The following WWP1 variants were observed in gnomAD, a reference collection of about 807,000 sequenced individuals.
WWP1 encodes WW domain containing E3 ubiquitin protein ligase 1.
WWP1 carries 49 observed loss-of-function variants against 130.6 expected under a neutral mutation model. That is an observed-to-expected ratio of 0.38 (90% CI 0.30 to 0.48). The LOEUF (loss-of-function observed/expected upper bound fraction) is 0.48, where lower values mean the gene tolerates loss of function less well. Ranked by LOEUF, WWP1 falls within the 20% of genes least tolerant of loss-of-function variation. The probability of loss-of-function intolerance (pLI) is 0.99; values close to 1 mark genes in which losing one functional copy is unlikely to be tolerated. For synonymous variants in WWP1, 332 were observed against 367.8 expected (o/e 0.90, Z 1.11); for missense variants, 809 against 1,100.6 (o/e 0.74, Z 3.75).
At chr8:86,350,312 G>T (rs1045787628) in intron 1 of WWP1, among the ~76,000 whole-genome samples, 1 of 152,080 alleles carries the variant, frequency 6.6e-6, no homozygotes, top group African/African-American at 2.4e-5. Flanking sequence ...GTAATGCCAT[G>T]GTTAAAGGTG....
chr8:86,403,157 A>G (rs1281965187), intron 8 of WWP1, among the ~76,000 whole-genome samples: 3 of 152,208 alleles, frequency 2.0e-5, no homozygotes, highest in Admixed American at 2.0e-4. Context: ...CATGTTGGGA[A>G]TTAAGTTGAA....
intron 5 of WWP1, among the ~76,000 whole-genome samples, chr8:86,382,125 A>G (rs978817056): frequency 2.6e-5 from 4 of 152,160 alleles, no homozygotes; most frequent in Non-Finnish European, 5.9e-5. Flanking sequence ...TAATTTGGTC[A>G]CTGTCCTTTT....
chr8:86,448,404 A>G lies in WWP1; in HGVS notation c.2164A>G (p.Met722Val), dbSNP rs764517290. Reference sequence around the variant, plus strand: ...CAACATTGAAGAATGTGGCTTAGAAATGTACTTTTCTGTTGACATGGAGAT... The same window carrying G: ...CAACATTGAAGAATGTGGCTTAGAAGTGTACTTTTCTGTTGACATGGAGAT... ...DNNIEECGLE[M>V]YFSVDMEILG... Residue 722 changes from methionine (M) to valine (V), a missense_variant, in exon 20 of 25, where the codon ATG (methionine) becomes GTG (valine). Coordinates refer to ENST00000517970, the MANE Select transcript of WWP1 (RefSeq NM_007013.4). 1 of 1,613,648 alleles carries G rather than the reference A, an allele frequency of 6.2e-7. No homozygotes were observed. Among genetic ancestry groups the G allele is most frequent in the Non-Finnish European group, 8.5e-7 (1 of 1,179,870 alleles).
intron 2 of WWP1, 40 bp downstream of exon 2, chr8:86,369,071 TAATA>T (rs1397365778): frequency 2.0e-5 from 3 of 152,232 alleles, no homozygotes; most frequent in East Asian, 3.9e-4. Flanking sequence ...AGACTATAAT[TAATA>T]GTCAGACTTC....
chr8:86,346,763 C>A (rs1469730943), intron 1 of WWP1, among the ~76,000 whole-genome samples: 2 of 151,974 alleles, frequency 1.3e-5, no homozygotes, highest in Non-Finnish European at 2.9e-5. Context: ...ATTGGAAAAT[C>A]CAATAAATTG....
chr8:86,428,018 A>G (rs544070884), intron 11 of WWP1, among the ~76,000 whole-genome samples: 1 of 152,128 alleles, frequency 6.6e-6, no homozygotes, highest in East Asian at 1.9e-4. Flanking sequence ...ATAATATTTT[A>G]AAATATTCTA....
chr8:86,440,676 CTT>C, intron 17 of WWP1: 1 of 453,946 alleles, frequency 2.2e-6, no homozygotes, highest in South Asian at 1.6e-5. Flanking sequence ...TCTATTATGT[CTT>C]TGAATATTTT....
intron 21 of WWP1, among the ~76,000 whole-genome samples, chr8:86,454,658 C>T (rs982685250): frequency 6.6e-6 from 1 of 152,038 alleles, no homozygotes; most frequent in African/African-American, 2.4e-5. Flanking sequence ...TAGAGGTGCA[C>T]TCAGAGAGGG....
intron 3 of WWP1, among the ~76,000 whole-genome samples, chr8:86,376,371 C>A (rs1824652812): frequency 6.6e-6 from 1 of 152,038 alleles, no homozygotes; most frequent in Admixed American, 6.6e-5. Flanking sequence ...GAGTTTGTGA[C>A]TGGCCTGGCC....
intron 12 of WWP1, 138 bp from the exon 13 acceptor site, chr8:86,431,263 ATATTC>A (rs1316552154): frequency 1.2e-5 from 2 of 172,580 alleles, no homozygotes; most frequent in Non-Finnish European, 1.2e-5. Context: ...TCTATATAAT[ATATTC>A]TATAATATAT....
chr8:86,364,829 A>AGAGAG (rs1563468141), intron 1 of WWP1, among the ~76,000 whole-genome samples: 9 of 121,836 alleles, frequency 7.4e-5, no homozygotes, highest in African/African-American at 2.7e-4. Flanking sequence ...GAAAGAAAGA[A>AGAGAG]AGAAAGAGAG....
rs534843218 is a variant in WWP1, at chr8:86,443,100, T to TCA, written c.1998+325_1998+326dup. Among the ~76,000 whole-genome samples, 103 of 152,336 alleles carry TCA rather than the reference T, an allele frequency of 6.8e-4. 1 individual carries two copies. The highest frequency in any genetic ancestry group is 8.8e-5 in the Non-Finnish European group (6 of 68,034). ...AAATTTTAATTCTTTTGAGAAAGGA[T>TCA]CACAGTCTGTTGCCCAGGCTGGAGT... On this transcript the variant is annotated intron_variant, in intron 18 of 24. Transcript: ENST00000517970.
intron 5 of WWP1, among the ~76,000 whole-genome samples, chr8:86,395,927 G>A (rs951235204): frequency 2.6e-5 from 4 of 152,070 alleles, no homozygotes; most frequent in Non-Finnish European, 4.4e-5. Context: ...GATTTTAAAA[G>A]GCTCTTCTTT....
At chr8:86,409,452 T>G (rs1007970434) in intron 8 of WWP1, among the ~76,000 whole-genome samples, 1 of 150,628 alleles carries the variant, frequency 6.6e-6, no homozygotes, top group African/African-American at 2.4e-5. Flanking sequence ...GTCAGGGTGG[T>G]CTCAAACTCC....
chr8:86,377,453 A>G (rs970196905), intron 3 of WWP1, among the ~76,000 whole-genome samples: 5 of 152,012 alleles, frequency 3.3e-5, no homozygotes, highest in Non-Finnish European at 4.4e-5. Context: ...CTAATATTGC[A>G]GTCTGGCTGT....
At chr8:86,382,472 G>A (rs1825037532) in intron 5 of WWP1, among the ~76,000 whole-genome samples, 1 of 152,090 alleles carries the variant, frequency 6.6e-6, no homozygotes, top group Admixed American at 6.6e-5. Flanking sequence ...GCCAGGGTGG[G>A]CAGATCACTT....
At chr8:86,416,188 T>C (rs1356492625) in intron 9 of WWP1, among the ~76,000 whole-genome samples, 2 of 152,100 alleles carry the variant, frequency 1.3e-5, no homozygotes, top group Non-Finnish European at 2.9e-5. Context: ...TTGCTGTGAG[T>C]TGGGAGTGAA....
At chr8:86,393,426 T>C (rs1434778680) in intron 5 of WWP1, among the ~76,000 whole-genome samples, 2 of 152,120 alleles carry the variant, frequency 1.3e-5, no homozygotes, top group East Asian at 3.9e-4. Context: ...TTTTGTGTTC[T>C]TAGTAGAGGC....
At position 86,436,770 on chromosome 8, in the gene WWP1, C is replaced by T. The variant is rs538686445; in HGVS notation, c.1749+1066C>T. Among the ~76,000 whole-genome samples, 46 of 152,208 alleles carry T rather than the reference C, an allele frequency of 3.0e-4. 1 individual carries two copies. The highest frequency in any genetic ancestry group is 1.1e-3 in the African/African-American group (46 of 41,536). On this transcript the variant is annotated intron_variant, in intron 16 of 24. Transcript: ENST00000517970. The stretch of plus-strand genomic sequence containing the variant: ...TTTTCATAATGAGACGTCTTATTCC[C>T]CCCCTAGTATTATAATGATGAACCA...
Sources: allele counts gnomAD v4.1 joint callset (sites outside exome capture counted in the v4.1 genomes callset), GRCh38; gene constraint gnomAD v4.1.1; transcripts MANE v1.5; gene names NCBI Gene and HGNC (gene_info 2026-07-23, HGNC 2026-07-21).